The following KDM4C variants were observed in gnomAD, a reference collection of about 807,000 sequenced individuals.
The protein encoded by KDM4C is lysine demethylase 4C, also known as lysine-specific demethylase 4C.
In KDM4C, 81 loss-of-function variants were observed where a neutral mutation model predicts 129.3. The observed-to-expected ratio is 0.63, with a 90% CI of 0.52 to 0.75. The LOEUF is 0.75. Among genes scored for constraint, KDM4C ranks in the 30% least tolerant of loss-of-function variants. The pLI is 0.00. For synonymous variants in KDM4C, 573 were observed against 456.1 expected (o/e 1.26, Z -3.26); for missense variants, 1,457 against 1,304.0 (o/e 1.12, Z -1.81).
At chr9:6,778,116 G>A (rs1286181906) in intron 1 of KDM4C, among the ~76,000 whole-genome samples, 1 of 148,310 alleles carries the variant, frequency 6.7e-6, no homozygotes. Context: ...TTGAGACAGA[G>A]TCTTGCTCTG....
chr9:6,966,388 T>A (rs1024776617), intron 8 of KDM4C, among the ~76,000 whole-genome samples: 24 of 152,232 alleles, frequency 1.6e-4, no homozygotes, highest in African/African-American at 4.1e-4. Flanking sequence ...TTCACTGTGG[T>A]CTTGATCTCC....
intron 3 of KDM4C, among the ~76,000 whole-genome samples, chr9:6,807,713 C>G (rs866368139): frequency 6.8e-6 from 1 of 146,696 alleles, no homozygotes; most frequent in Non-Finnish European, 1.5e-5. Flanking sequence ...AAGTGAGGAG[C>G]CTCTCCGCCC....
intron 6 of KDM4C, among the ~76,000 whole-genome samples, chr9:6,880,751 G>T (rs1172235081): frequency 6.6e-6 from 1 of 152,184 alleles, no homozygotes; most frequent in Non-Finnish European, 1.5e-5. Flanking sequence ...GCTTTTGTGT[G>T]TGTAGACAAT....
At position 6,819,168 on chromosome 9, in the gene KDM4C, T is replaced by C. The variant is rs1021667206; in HGVS notation, c.435+4423T>C. The C allele has an allele frequency of 6.6e-5, 10 of 152,240 alleles. No homozygotes were observed. The East Asian group carries it at 7.7e-4, about 12-fold the overall frequency. The allele number at this position is 152,240 out of a possible 1,614,324, so 9.4% of individuals were successfully genotyped here. A position where few individuals can be genotyped will look rare whatever the true frequency, so the allele number is the denominator to read the frequency against. On this transcript the variant is annotated intron_variant, in intron 4 of 21. Coordinates refer to ENST00000381309, the MANE Select transcript of KDM4C (RefSeq NM_015061.6). The stretch of plus-strand genomic sequence containing the variant: ...TTAGAAGCAGCATGTTTGGGAACAT[T>C]TTCAGAAAAATTGATACAAAAATGT...
chr9:6,980,258 C>T (rs980476063), intron 8 of KDM4C, among the ~76,000 whole-genome samples: 1 of 152,146 alleles, frequency 6.6e-6, no homozygotes, highest in South Asian at 2.1e-4. Context: ...TGACTGATAA[C>T]TATGTATTCA....
intron 17 of KDM4C, among the ~76,000 whole-genome samples, chr9:7,082,826 T>A (rs991773561): frequency 1.3e-5 from 2 of 152,210 alleles, no homozygotes; most frequent in Admixed American, 6.5e-5. Flanking sequence ...TTATGCCTTT[T>A]GTTCAGTAGA....
chr9:6,916,077 G>A (rs754986137), intron 8 of KDM4C, among the ~76,000 whole-genome samples: 33 of 152,284 alleles, frequency 2.2e-4, no homozygotes, highest in Admixed American at 5.9e-4. Flanking sequence ...TGTTTTGGAA[G>A]TATATATTTG....
chr9:7,076,586 G>T, intron 17 of KDM4C: 1 of 1,483,396 alleles, frequency 6.7e-7, no homozygotes, highest in Non-Finnish European at 8.9e-7. Context: ...AGCCAGCATC[G>T]TGTTTAGGAT....
At chr9:6,825,197 C>T (rs1249032674) in intron 4 of KDM4C, among the ~76,000 whole-genome samples, 1 of 148,590 alleles carries the variant, frequency 6.7e-6, no homozygotes, top group Non-Finnish European at 1.5e-5. Context: ...TCAGCTTCTA[C>T]ATTTAATCTG....
At chr9:6,928,891 A>T (rs528780772) in intron 8 of KDM4C, among the ~76,000 whole-genome samples, 1 of 152,290 alleles carries the variant, frequency 6.6e-6, no homozygotes, top group African/African-American at 2.4e-5. Flanking sequence ...TGCCGGCTGC[A>T]TGTTTGGGAC....
chr9:6,923,855 T>A (rs1821990482), intron 8 of KDM4C, among the ~76,000 whole-genome samples: 1 of 152,204 alleles, frequency 6.6e-6, no homozygotes, highest in African/African-American at 2.4e-5. Flanking sequence ...GACCACTGTG[T>A]CTTCAGCACA....
chr9:7,145,569 A>G (rs972585557), intron 19 of KDM4C, among the ~76,000 whole-genome samples: 2 of 152,154 alleles, frequency 1.3e-5, no homozygotes, highest in Non-Finnish European at 2.9e-5. Context: ...TCTGGTGAGG[A>G]GTTTTCAGAT....
chr9:6,837,174 C>T (rs1836028458), intron 4 of KDM4C, among the ~76,000 whole-genome samples: 1 of 152,172 alleles, frequency 6.6e-6, no homozygotes, highest in Admixed American at 6.5e-5. Context: ...CGTCCCACCT[C>T]AGCCTCCTGA....
chr9:6,980,928 A>T lies in KDM4C; in HGVS notation c.925A>T (p.Thr309Ser), dbSNP rs906030995. The T allele has an allele frequency of 6.2e-7, 1 of 1,613,580 alleles. No individual in the cohort carries two copies. The highest frequency in any genetic ancestry group is 8.5e-7 in the Non-Finnish European group (1 of 1,179,700). Reference sequence around the variant, plus strand: ...CTCCAACCCGGTTGTGTTTCAGTGCACTTGCAGGAAAGACATGGTGAAGAT... The same window carrying T: ...CTCCAACCCGGTTGTGTTTCAGTGCTCTTGCAGGAAAGACATGGTGAAGAT... ...IDYGKVAKLC[T>S]CRKDMVKISM... The change falls in exon 9 of 22, where the codon ACT becomes TCT. Residue 309 changes from threonine (T) to serine (S), a missense_variant. Coordinates refer to ENST00000381309, the MANE Select transcript of KDM4C (RefSeq NM_015061.6).
Position 6,807,654 on chromosome 9 carries a change from C to G in KDM4C, c.320+1880C>G, listed in dbSNP as rs532892302. 2.0e-5 allele frequency among the ~76,000 whole-genome samples: 3 copies of G among 149,288 alleles called. No homozygotes were observed. In the East Asian group the frequency reaches 6.0e-4, roughly 30 times the overall value. On this transcript the variant is annotated intron_variant, in intron 3 of 21. Transcript: ENST00000381309. ...GGATACCCTCTGCCTGGCAACCACCCCGTCTGAGAAGTGAGGAGCCCATCC... is the reference window on the plus strand; with the variant it reads ...GGATACCCTCTGCCTGGCAACCACCGCGTCTGAGAAGTGAGGAGCCCATCC...
rs954598055 is a variant in KDM4C at position 7,174,857 on chromosome 9, T to C, written c.*128T>C. ...AGGGTGTGTCTCTGACAGTGGTAAA[T>C]CGGGTTTCCAGAGTTTGGTCACCAA... On this transcript the variant is annotated 3_prime_UTR_variant, in exon 22 of 22. Transcript: ENST00000381309. The C allele has an allele frequency of 1.3e-6, 1 of 749,440 alleles. No homozygotes were observed. The highest frequency in any genetic ancestry group is 2.4e-5 in the Admixed American group (1 of 41,386). The allele number at this position is 749,440 out of a possible 1,614,324, so 46.4% of individuals were successfully genotyped here.
At chr9:6,892,811 A>G (rs1383498144) in intron 7 of KDM4C, among the ~76,000 whole-genome samples, 1 of 152,258 alleles carries the variant, frequency 6.6e-6, no homozygotes, top group Non-Finnish European at 1.5e-5. Flanking sequence ...ATTTACTTGA[A>G]TAACCTGAAG....
intron 8 of KDM4C, chr9:6,942,523 G>T (rs1175811683): frequency 6.6e-6 from 1 of 151,736 alleles, no homozygotes; most frequent in Non-Finnish European, 1.5e-5. Flanking sequence ...TGCATGTTAC[G>T]TGTAGTGGCA....
At chr9:7,063,115 C>T (rs968876028) in intron 17 of KDM4C, among the ~76,000 whole-genome samples, 4 of 152,038 alleles carry the variant, frequency 2.6e-5, no homozygotes, top group Non-Finnish European at 4.4e-5. Flanking sequence ...ATAGAATTTG[C>T]CACATATCTT....
Sources: allele counts gnomAD v4.1 joint callset (sites outside exome capture counted in the v4.1 genomes callset), GRCh38; gene constraint gnomAD v4.1.1; transcripts MANE v1.5; gene names NCBI Gene and HGNC (gene_info 2026-07-23, HGNC 2026-07-21).